Variants in CDC42BPA observed in about 807,000 individuals in gnomAD.
The protein encoded by CDC42BPA is serine/threonine-protein kinase MRCK alpha.
Under a neutral mutation model 223.5 loss-of-function variants are expected in CDC42BPA, and 80 were observed. The observed-to-expected ratio is 0.36, with a 90% confidence interval of 0.30 to 0.43. The LOEUF is 0.43. Ranked by LOEUF, CDC42BPA falls within the 20% of genes least tolerant of loss-of-function variation. The pLI is 1.00. For synonymous variants in CDC42BPA, 694 were observed against 718.6 expected (o/e 0.97, Z 0.55); for missense variants, 1,743 against 2,099.9 (o/e 0.83, Z 3.32).
intron 1 of CDC42BPA, among the ~76,000 whole-genome samples, chr1:227,308,006 A>G (rs1692854510): frequency 6.6e-6 from 1 of 152,204 alleles, no homozygotes. Context: ...CCAATGCAAA[A>G]AGCTTATCCT....
chr1:227,041,128 A>G (rs1037790425), intron 23 of CDC42BPA, among the ~76,000 whole-genome samples: 2 of 150,580 alleles, frequency 1.3e-5, no homozygotes, highest in African/African-American at 5.0e-5. Context: ...TACCTGGTAC[A>G]TACTAAGTAC....
At chr1:227,155,753 A>T (rs1158323438) in intron 6 of CDC42BPA, among the ~76,000 whole-genome samples, 4 of 152,206 alleles carry the variant, frequency 2.6e-5, no homozygotes, top group Non-Finnish European at 5.9e-5. Flanking sequence ...AATGCAATTT[A>T]AAAAAACTAT....
chr1:227,317,873 C>T lies in CDC42BPA; in HGVS notation c.-691G>A. On this transcript the variant is annotated 5_prime_UTR_variant, in exon 1 of 37. Transcript: ENST00000366766. ...TCCCGAGGTCCTTCTTTCTTTAAGG[C>T]TTTGCAGTCAGTCCTATTTTCAACG... 2.5e-6 allele frequency: 1 copy of T among 398,724 alleles called. No individual in the cohort carries two copies. The highest frequency in any genetic ancestry group is 4.4e-6 in the Non-Finnish European group (1 of 226,114). The allele number at this position is 398,724 out of a possible 1,614,324, so 24.7% of individuals were successfully genotyped here. A position where few individuals can be genotyped will look rare whatever the true frequency, so the allele number is the denominator to read the frequency against.
chr1:227,074,056 C>T (rs375705763), intron 18 of CDC42BPA, 44 bp from the exon 19 acceptor site: 129 of 1,578,790 alleles, frequency 8.2e-5, no homozygotes, highest in Non-Finnish European at 1.0e-4. Flanking sequence ...CTATTTTTAA[C>T]ATTTAAATTA....
chr1:227,136,057 A>G (rs1285904288), intron 10 of CDC42BPA, among the ~76,000 whole-genome samples: 3 of 147,044 alleles, frequency 2.0e-5, no homozygotes, highest in Non-Finnish European at 4.5e-5. Flanking sequence ...ATGACAAATG[A>G]AAGAAAAAAA....
chr1:227,140,944 C>T (rs771786215), intron 9 of CDC42BPA, among the ~76,000 whole-genome samples: 1 of 152,062 alleles, frequency 6.6e-6, no homozygotes, highest in Non-Finnish European at 1.5e-5. Context: ...CTGATATTAA[C>T]AAGCCAGGGA....
chr1:227,159,760 A>G (rs1028404000), intron 6 of CDC42BPA, among the ~76,000 whole-genome samples: 10 of 152,074 alleles, frequency 6.6e-5, no homozygotes, highest in Admixed American at 6.6e-4. Context: ...TCCTGGACTC[A>G]AGTGATCCTC....
intron 1 of CDC42BPA, among the ~76,000 whole-genome samples, chr1:227,279,224 T>C (rs1687628842): frequency 6.6e-6 from 1 of 152,168 alleles, no homozygotes; most frequent in Non-Finnish European, 1.5e-5. Flanking sequence ...CAACTCTTCA[T>C]TAGCTCAATT....
chr1:227,112,935 A>G (rs1558525011), intron 12 of CDC42BPA, 22 bp from the exon 13 acceptor site: 11 of 1,607,848 alleles, frequency 6.8e-6, no homozygotes, highest in Admixed American at 3.4e-5. Flanking sequence ...TAAAAAGAAT[A>G]TAAGTTACCA....
In CDC42BPA at chr1:227,206,213, A is replaced by G. The variant is rs183417325; in HGVS notation, c.355-6561T>C. The stretch of plus-strand genomic sequence containing the variant: ...ATGTGAAGACAGAAGTAAAATTTAC[A>G]GAACAGATTGAGAGCAGTAGTTCAT... On this transcript the variant is annotated intron_variant, in intron 3 of 36. Coordinates refer to ENST00000366766, the MANE Select transcript of CDC42BPA (RefSeq NM_001394014.1). 3.6e-3 allele frequency among the ~76,000 whole-genome samples: 552 copies of G among 152,378 alleles called. 2 individuals carry two copies. Among genetic ancestry groups the G allele is most frequent in the Non-Finnish European group, 6.1e-3 (413 of 68,042 alleles).
chr1:227,264,013 C>T (rs999619940), intron 1 of CDC42BPA, among the ~76,000 whole-genome samples: 2 of 152,182 alleles, frequency 1.3e-5, no homozygotes, highest in African/African-American at 4.8e-5. Context: ...GATGCAATAA[C>T]TTCTATTCTT....
At chr1:227,081,514 A>G (rs1447980707) in intron 16 of CDC42BPA, among the ~76,000 whole-genome samples, 2 of 150,578 alleles carry the variant, frequency 1.3e-5, no homozygotes, top group Admixed American at 6.6e-5. Context: ...GTACAATGGC[A>G]CATTCTCAAC....
intron 34 of CDC42BPA, chr1:227,011,104 G>A (rs748911889): frequency 9.0e-7 from 1 of 1,109,328 alleles, no homozygotes; most frequent in Non-Finnish European, 1.2e-6. Flanking sequence ...GCAATAAGGT[G>A]ATGAAAATGG....
At chr1:227,081,067 G>C in intron 16 of CDC42BPA, 50 bp from the exon 17 acceptor site, 6 of 1,598,674 alleles carry the variant, frequency 3.8e-6, no homozygotes, top group African/African-American at 1.3e-5. Flanking sequence ...AAGAATTCGA[G>C]GTGTTCAGAC....
At chr1:227,127,649 G>A (rs1486548623) in intron 11 of CDC42BPA, among the ~76,000 whole-genome samples, 1 of 152,078 alleles carries the variant, frequency 6.6e-6, no homozygotes. Context: ...CAAACTCCAT[G>A]ATTCACTTAT....
At chr1:227,164,288 C>T (rs916702393) in intron 5 of CDC42BPA, among the ~76,000 whole-genome samples, 4 of 152,086 alleles carry the variant, frequency 2.6e-5, no homozygotes, top group African/African-American at 9.7e-5. Flanking sequence ...CTGGAATTAG[C>T]TTAATATGTT....
rs557882559 is a variant in CDC42BPA at position 227,259,640 on chromosome 1, T to C, written c.179-5485A>G. On this transcript the variant is annotated intron_variant, in intron 1 of 36. Coordinates refer to ENST00000366766, the MANE Select transcript of CDC42BPA (RefSeq NM_001394014.1). Reference sequence around the variant, plus strand: ...CATAAAATCCATAAGGTACATATTATTAACCCTCATTAATATTATAAGGCC... The same window carrying C: ...CATAAAATCCATAAGGTACATATTACTAACCCTCATTAATATTATAAGGCC... Among the ~76,000 whole-genome samples, 4 of 150,988 alleles carry C rather than the reference T, an allele frequency of 2.6e-5. No individual in the cohort carries two copies. In the South Asian group the frequency reaches 8.3e-4, roughly 31 times the overall value.
intron 5 of CDC42BPA, among the ~76,000 whole-genome samples, chr1:227,181,397 A>G (rs1029844615): frequency 3.3e-5 from 5 of 152,210 alleles, no homozygotes; most frequent in African/African-American, 1.2e-4. Flanking sequence ...ATATTATTTC[A>G]GAACCTCAAT....
intron 23 of CDC42BPA, among the ~76,000 whole-genome samples, chr1:227,041,443 A>G (rs1330102193): frequency 2.0e-5 from 3 of 152,190 alleles, no homozygotes; most frequent in Non-Finnish European, 2.9e-5. Context: ...TCCATATTCT[A>G]ATAAATTATG....
Sources: gnomAD v4.1 joint callset for allele counts (sites outside exome capture counted in the v4.1 genomes callset) on GRCh38, gnomAD v4.1.1 for gene constraint, MANE v1.5 for transcripts, NCBI Gene and HGNC (gene_info 2026-07-23, HGNC 2026-07-21) for gene names.